The following KCNIP4 variants were observed in gnomAD, a reference collection of about 807,000 sequenced individuals.
The protein encoded by KCNIP4 is Kv channel-interacting protein 4.
KCNIP4 carries 12 observed loss-of-function variants against 34.0 expected under a neutral mutation model. That is an observed-to-expected ratio of 0.35 (90% CI 0.23 to 0.57). The LOEUF is 0.57. Ranked by LOEUF, KCNIP4 falls within the 20% of genes least tolerant of loss-of-function variation. KCNIP4 has a pLI of 0.83. For synonymous variants in KCNIP4, 124 were observed against 102.2 expected (o/e 1.21, Z -1.29); for missense variants, 238 against 311.7 (o/e 0.76, Z 1.78).
chr4:21,225,498 T>C (rs2109009239), intron 1 of KCNIP4, among the ~76,000 whole-genome samples: 1 of 152,270 alleles, frequency 6.6e-6, no homozygotes, highest in Admixed American at 6.5e-5. Flanking sequence ...ATTATAACTA[T>C]TGTAATTATT....
chr4:21,398,564 T>G (rs773595701), intron 1 of KCNIP4, among the ~76,000 whole-genome samples: 9 of 152,204 alleles, frequency 5.9e-5, no homozygotes, highest in Non-Finnish European at 1.3e-4. Context: ...TGCATACACA[T>G]GCACATGTAC....
intron 1 of KCNIP4, among the ~76,000 whole-genome samples, chr4:21,018,651 C>G (rs953440904): frequency 6.6e-6 from 1 of 152,096 alleles, no homozygotes; most frequent in African/African-American, 2.4e-5. Context: ...CTTCCCTTCC[C>G]CCTCTCCTTC....
At chr4:20,995,014 C>G (rs948121195) in intron 1 of KCNIP4, among the ~76,000 whole-genome samples, 3 of 152,184 alleles carry the variant, frequency 2.0e-5, no homozygotes, top group Non-Finnish European at 4.4e-5. Flanking sequence ...GCTCTAACCC[C>G]TTCTGAATGT....
At chr4:21,023,712 C>G (rs73099846) in intron 1 of KCNIP4, among the ~76,000 whole-genome samples, 1 of 151,804 alleles carries the variant, frequency 6.6e-6, no homozygotes, top group Non-Finnish European at 1.5e-5. Context: ...GAGACCCTAT[C>G]TCTACAAAAA....
intron 3 of KCNIP4, among the ~76,000 whole-genome samples, chr4:20,839,230 CAAGT>C (rs1482651718): frequency 6.6e-6 from 1 of 151,886 alleles, no homozygotes; most frequent in Non-Finnish European, 1.5e-5. Context: ...TGATGTCTAA[CAAGT>C]AAGTCATTAG....
intron 1 of KCNIP4, among the ~76,000 whole-genome samples, chr4:21,223,891 C>T (rs982629160): frequency 9.2e-5 from 14 of 151,972 alleles, no homozygotes; most frequent in Admixed American, 2.6e-4. Flanking sequence ...TTCTGTGGTT[C>T]ACCTTTAGCC....
At chr4:21,155,267 A>G (rs1403645442) in intron 1 of KCNIP4, among the ~76,000 whole-genome samples, 1 of 152,166 alleles carries the variant, frequency 6.6e-6, no homozygotes, top group Non-Finnish European at 1.5e-5. Flanking sequence ...GTTTTCTATT[A>G]TGTGCAGATA....
At chr4:21,249,721 T>C (rs1426371301) in intron 1 of KCNIP4, among the ~76,000 whole-genome samples, 2 of 152,124 alleles carry the variant, frequency 1.3e-5, no homozygotes, top group Admixed American at 1.3e-4. Flanking sequence ...TCATTTAGAA[T>C]ATGCACCAGT....
intron 1 of KCNIP4, among the ~76,000 whole-genome samples, chr4:21,476,611 G>T (rs527670881): frequency 6.6e-6 from 1 of 152,122 alleles, no homozygotes; most frequent in African/African-American, 2.4e-5. Context: ...GAGCCACCTA[G>T]CCTGTGGTAT....
chr4:21,134,584 C>T (rs1408573047), intron 1 of KCNIP4, among the ~76,000 whole-genome samples: 2 of 152,178 alleles, frequency 1.3e-5, no homozygotes, highest in African/African-American at 2.4e-5. Flanking sequence ...TTTGCTTTTA[C>T]ATCACTAAGG....
chr4:21,732,606 C>T (rs1362057820), intron 1 of KCNIP4, among the ~76,000 whole-genome samples: 1 of 152,134 alleles, frequency 6.6e-6, no homozygotes, highest in Non-Finnish European at 1.5e-5. Flanking sequence ...TTCACTGATG[C>T]CTCCCAGAGC....
intron 1 of KCNIP4, among the ~76,000 whole-genome samples, chr4:21,120,544 G>A (rs1750068162): frequency 6.6e-6 from 1 of 152,208 alleles, no homozygotes; most frequent in Non-Finnish European, 1.5e-5. Context: ...TAATCATGGT[G>A]GAAGGTGAAG....
chr4:21,520,793 T>A (rs1301649715), intron 1 of KCNIP4, among the ~76,000 whole-genome samples: 1 of 152,194 alleles, frequency 6.6e-6, no homozygotes, highest in Non-Finnish European at 1.5e-5. Flanking sequence ...CTTGTTTCAA[T>A]ATACTTTATC....
intron 1 of KCNIP4, among the ~76,000 whole-genome samples, chr4:21,927,472 A>C (rs1729315918): frequency 6.6e-6 from 1 of 151,972 alleles, no homozygotes; most frequent in Admixed American, 6.6e-5. Context: ...AATACCAGGG[A>C]CTCAATGGAA....
At chr4:21,698,807 A>G (rs962001543) in intron 1 of KCNIP4, among the ~76,000 whole-genome samples, 7 of 152,272 alleles carry the variant, frequency 4.6e-5, no homozygotes, top group Admixed American at 3.9e-4. Flanking sequence ...CAACAGTACT[A>G]CATAAGAAAT....
chr4:21,034,334 G>C (rs1741271873), intron 1 of KCNIP4, among the ~76,000 whole-genome samples: 1 of 152,186 alleles, frequency 6.6e-6, no homozygotes, highest in Non-Finnish European at 1.5e-5. Context: ...AATCAGCCTG[G>C]AGGGTTTAGC....
At chr4:21,622,899 T>A (rs577650909) in intron 1 of KCNIP4, among the ~76,000 whole-genome samples, 83 of 152,302 alleles carry the variant, frequency 5.4e-4, no homozygotes, top group African/African-American at 2.0e-3. Context: ...TCTTCTGCCA[T>A]CACTCAGAAC....
intron 1 of KCNIP4, among the ~76,000 whole-genome samples, chr4:20,974,697 A>G (rs1051705692): frequency 2.6e-5 from 4 of 152,138 alleles, no homozygotes; most frequent in Non-Finnish European, 5.9e-5. Flanking sequence ...TCCCTCTAAA[A>G]TCTACATAGA....
intron 1 of KCNIP4, among the ~76,000 whole-genome samples, chr4:21,944,346 C>T (rs1157334540): frequency 6.6e-6 from 1 of 151,784 alleles, no homozygotes; most frequent in African/African-American, 2.4e-5. Flanking sequence ...GAGTTCAAAA[C>T]CAGCCTGACC....
Sources: allele counts gnomAD v4.1 joint callset (sites outside exome capture counted in the v4.1 genomes callset), GRCh38; gene constraint gnomAD v4.1.1; transcripts MANE v1.5; gene names NCBI Gene and HGNC (gene_info 2026-07-23, HGNC 2026-07-21).